ASB16: variants seen among roughly 807,000 people sequenced by gnomAD.
The protein encoded by ASB16 is ankyrin repeat and SOCS box protein 16.
In ASB16, 44 loss-of-function variants were observed where a neutral mutation model predicts 39.1. The observed-to-expected ratio is 1.13, with a 90% confidence interval of 0.88 to 1.45. The LOEUF (loss-of-function observed/expected upper bound fraction) is 1.45, where lower values mean the gene tolerates loss of function less well. ASB16 is among the 40% of genes most tolerant of loss of function. ASB16 has a pLI of 0.00. For synonymous variants in ASB16, 305 were observed against 286.7 expected, an observed-to-expected ratio of 1.06 and a Z score of -0.64; for missense variants, 698 against 634.5, an observed-to-expected ratio of 1.10 and a Z score of -1.07.
At position 44,177,004 on chromosome 17, in the gene ASB16, C is replaced by T. The variant is rs1420641987; in HGVS notation, c.836C>T (p.Ala279Val). 2.0e-6 allele frequency: 3 copies of T among 1,488,190 alleles called. No homozygotes were observed. The highest frequency in any genetic ancestry group is 2.7e-6 in the Non-Finnish European group (3 of 1,131,734). 92.2% of individuals were successfully genotyped at this position (1,488,190 alleles called of 1,614,324 possible). ...RLLEAGADAR[A>V]AGRKRHTPLH... Reference sequence around the variant, plus strand: ...CTGGAGGCTGGAGCTGATGCCCGGGCGGCCGGGCGCAAGCGCCACACGCCG... The same window carrying T: ...CTGGAGGCTGGAGCTGATGCCCGGGTGGCCGGGCGCAAGCGCCACACGCCG... Residue 279 changes from alanine (A) to valine (V), a missense_variant, in exon 3 of 5, where the codon GCG becomes GTG. Transcript: ENST00000293414.
chr17:44,175,945 G>A (rs1485553963), intron 2 of ASB16: 1 of 152,188 alleles, frequency 6.6e-6, no homozygotes, highest in African/African-American at 2.4e-5. Context: ...TTAAGTGTGG[G>A]GACAGAAAGA....
At chr17:44,172,444 T>G (rs916818843) in intron 2 of ASB16, 131 bp downstream of exon 2, 1 of 1,072,224 alleles carries the variant, frequency 9.3e-7, no homozygotes, top group East Asian at 2.5e-5. Flanking sequence ...ATACACATCT[T>G]CACAATAACC....
In ASB16 at chr17:44,178,517, G is replaced by C. The variant is rs560598270; in HGVS notation, c.*127G>C. On this transcript the variant is annotated 3_prime_UTR_variant, in exon 5 of 5. Coordinates refer to ENST00000293414, the MANE Select transcript of ASB16 (RefSeq NM_080863.5). ...AGACCTAGTCTCACTCTGTTGCCCAGGCTGGAGTGCAGTGGCGCTATCTCG... is the reference window on the plus strand; with the variant it reads ...AGACCTAGTCTCACTCTGTTGCCCACGCTGGAGTGCAGTGGCGCTATCTCG... 2.8e-6 allele frequency: 3 copies of C among 1,055,232 alleles called. No homozygotes were observed. In the African/African-American group the frequency reaches 4.8e-5, roughly 17 times the overall value. The allele number at this position is 1,055,232 out of a possible 1,614,324, so 65.4% of individuals were successfully genotyped here.
In ASB16 at chr17:44,178,263, A is replaced by G. The variant is rs548920521; in HGVS notation, c.1235A>G (p.Gln412Arg). 51 of 1,613,572 alleles carry G rather than the reference A, an allele frequency of 3.2e-5. 1 individual carries two copies. In the South Asian group the frequency reaches 4.6e-4, roughly 15 times the overall value. Residue 412 changes from glutamine (Q) to arginine (R), a missense_variant, in exon 5 of 5, where the codon CAG (glutamine) becomes CGG (arginine). Physicochemically the swap from Gln to Arg is conservative, Grantham distance 43. Transcript: ENST00000293414. ...ATGGTGAACCAGCCAAGGCAGCTGC[A>G]GCACCTGGCCCGACTAGCTGTGCGC... ...LCMVNQPRQLQHLARLAVRAR... is the reference protein window; with the variant it reads ...LCMVNQPRQLRHLARLAVRAR...
rs968192566 is a variant in ASB16 at position 44,178,614 on chromosome 17, A to G, written c.*224A>G. ...CAAACTTCCGAGTAGCTGGGACTAC[A>G]GGCATGAGTCACCACACCTGGCTGA... On this transcript the variant is annotated 3_prime_UTR_variant, in exon 5 of 5. Transcript: ENST00000293414. 14 of 569,528 alleles carry G rather than the reference A, an allele frequency of 2.5e-5. No individual in the cohort carries two copies. The highest frequency in any genetic ancestry group is 3.4e-5 in the Non-Finnish European group (11 of 323,084). 35.3% of individuals were successfully genotyped at this position (569,528 alleles called of 1,614,324 possible).
Position 44,177,145 on chromosome 17 carries a change from A to G in ASB16, c.977A>G (p.Gln326Arg). 6.6e-7 allele frequency: 1 copy of G among 1,517,978 alleles called. No homozygotes were observed. Among genetic ancestry groups the G allele is most frequent in the Non-Finnish European group, 8.8e-7 (1 of 1,135,876 alleles). The allele number at this position is 1,517,978 out of a possible 1,614,324, so 94.0% of individuals were successfully genotyped here. The part of the protein sequence containing the change: ...AGHTPMDCAL[Q>R]AVQDSPNWEP... ...CACACGCCCATGGACTGTGCGCTGCAGGCCGTCCAGGACTCCCCCAACTGG... is the reference window on the plus strand; with the variant it reads ...CACACGCCCATGGACTGTGCGCTGCGGGCCGTCCAGGACTCCCCCAACTGG... Residue 326 changes from glutamine (Q) to arginine (R), a missense_variant, in exon 3 of 5, where the codon CAG becomes CGG. Transcript: ENST00000293414.
intron 2 of ASB16, among the ~76,000 whole-genome samples, chr17:44,174,782 T>A (rs910555345): frequency 2.6e-5 from 4 of 152,186 alleles, no homozygotes; most frequent in African/African-American, 9.6e-5. Flanking sequence ...GGAACCCTAC[T>A]GAGCGAGCTT....
rs75036136 is a variant in ASB16, at chr17:44,176,821, C to G, written c.653C>G (p.Ala218Gly). 6.2e-7 allele frequency: 1 copy of G among 1,612,292 alleles called. No individual in the cohort carries two copies. The highest frequency in any genetic ancestry group is 1.7e-5 in the Admixed American group (1 of 59,974). The change falls in exon 3 of 5, where the codon GCG (alanine) becomes GGG (glycine). Residue 218 changes from alanine (A) to glycine (G), a missense_variant. Physicochemically the swap from Ala to Gly is moderately conservative, Grantham distance 60. Coordinates refer to ENST00000293414, the MANE Select transcript of ASB16 (RefSeq NM_080863.5). ...ESQETPLHVA[A>G]ARGLEQHVAL... ...CAGGAGACGCCCCTGCACGTGGCGGCGGCGCGCGGCCTGGAGCAACATGTG... is the reference window on the plus strand; with the variant it reads ...CAGGAGACGCCCCTGCACGTGGCGGGGGCGCGCGGCCTGGAGCAACATGTG...
chr17:44,172,464 C>T lies in ASB16; in HGVS notation c.569+151C>T, dbSNP rs545277258. 6.5e-6 allele frequency: 6 copies of T among 928,184 alleles called. No homozygotes were observed. The African/African-American group carries it at 8.3e-5, about 13-fold the overall frequency. The allele number at this position is 928,184 out of a possible 1,614,324, so 57.5% of individuals were successfully genotyped here. On this transcript the variant is annotated intron_variant, in intron 2 of 4. Coordinates refer to ENST00000293414, the MANE Select transcript of ASB16 (RefSeq NM_080863.5). ...CATCTTCACAATAACCTGGAGACAC[C>T]TCATCCTACAGATGAGAAAAATGAA...
At position 44,172,272 on chromosome 17, in the gene ASB16, C is replaced by T; in HGVS notation, c.528C>T (p.Gly176=). Residue 176 remains glycine (G), a synonymous_variant, in exon 2 of 5, where the codon GGC becomes GGT. Transcript: ENST00000293414. ...AGGCTAATGTGCTGACTGAGGAGGG[C>T]ACGACTCCTTTGCACCTCTGCACGA... The part of the protein sequence containing the change: ...GAKANVLTEE[G]TTPLHLCTIP... 1 of 1,613,682 alleles carries T rather than the reference C, an allele frequency of 6.2e-7. No homozygotes were observed. The highest frequency in any genetic ancestry group is 8.5e-7 in the Non-Finnish European group (1 of 1,180,036).
At chr17:44,176,610 AT>A in intron 2 of ASB16, 127 bp from the exon 3 acceptor site, 1 of 1,344,664 alleles carries the variant, frequency 7.4e-7, no homozygotes, top group Non-Finnish European at 1.1e-6. Flanking sequence ...GGCTTGTATG[AT>A]TCTCATGGAG....
rs56265171 is a variant in ASB16, at chr17:44,170,837, C to T, written c.48C>T (p.Leu16=). ...TCACCTCCTCCATGCTGCGCTCTCT[C>T]CGCCTGCAGCAGGAGTGGCTGGAAT... ...FPFTSSMLRS[L]RLQQEWLEWE... is the part of the protein sequence containing the mutation. The change falls in exon 1 of 5, where the codon CTC becomes CTT. Residue 16 remains leucine, a synonymous_variant. Coordinates refer to ENST00000293414, the MANE Select transcript of ASB16 (RefSeq NM_080863.5). The T allele has an allele frequency of 6.3e-3, 10,155 of 1,611,424 alleles. 484 individuals are homozygous for T. In the African/African-American group the frequency reaches 0.11, roughly 18 times the overall value.
intron 1 of ASB16, among the ~76,000 whole-genome samples, chr17:44,171,815 A>G (rs1011088615): frequency 6.6e-6 from 1 of 152,032 alleles, no homozygotes; most frequent in African/African-American, 2.4e-5. Flanking sequence ...TTTATGACAC[A>G]TACTATGTTT....
chr17:44,178,296 T>G lies in ASB16; in HGVS notation c.1268T>G (p.Leu423Trp), dbSNP rs2054329965. The change falls in exon 5 of 5, where the codon TTG (leucine) becomes TGG (tryptophan). Residue 423 changes from leucine (L) to tryptophan (W), a missense_variant. Coordinates refer to ENST00000293414, the MANE Select transcript of ASB16 (RefSeq NM_080863.5). ...HLARLAVRAR[L>W]GSRCRQGATR... ...GCCCGACTAGCTGTGCGCGCTCGGT[T>G]GGGAAGCCGCTGCCGGCAGGGTGCC... The G allele has an allele frequency of 1.9e-6, 3 of 1,612,414 alleles. No homozygotes were observed. The highest frequency in any genetic ancestry group is 2.5e-6 in the Non-Finnish European group (3 of 1,179,714).
intron 3 of ASB16, 37 bp downstream of exon 3, chr17:44,177,267 T>G (rs747496588): frequency 6.7e-7 from 1 of 1,496,246 alleles, no homozygotes; most frequent in Non-Finnish European, 8.9e-7. Flanking sequence ...GGCTCCTGTG[T>G]GGGGGAGCCC....
At position 44,176,844 on chromosome 17, in the gene ASB16, GT is replaced by G; in HGVS notation, c.677del (p.Val226GlyfsTer22). The stretch of plus-strand genomic sequence containing the variant: ...GGCGGCGCGCGGCCTGGAGCAACAT[GT>G]GGCTCTGTACCTGGAGCATGGCGCC... ...VAAARGLEQH[V>X]ALYLEHGADV... is the part of the protein sequence containing the mutation. On this transcript the variant is annotated frameshift_variant, in exon 3 of 5. Coordinates refer to ENST00000293414, the MANE Select transcript of ASB16 (RefSeq NM_080863.5). LOFTEE classifies it high-confidence loss of function. 6.2e-7 allele frequency: 1 copy of G among 1,611,816 alleles called. No individual in the cohort carries two copies. The highest frequency in any genetic ancestry group is 1.1e-5 in the South Asian group (1 of 91,000).
At position 44,172,033 on chromosome 17, in the gene ASB16, T is replaced by A. The variant is rs1430584980; in HGVS notation, c.302-13T>A. On this transcript the variant is annotated splice_polypyrimidine_tract_variant and intron_variant, in intron 1 of 4. Transcript: ENST00000293414. ...CTTATACACCACCTCCCAAAACTATTTGCTCTCCCTAGGGTTCTGGGTGCT... is the reference window on the plus strand; with the variant it reads ...CTTATACACCACCTCCCAAAACTATATGCTCTCCCTAGGGTTCTGGGTGCT... 1.2e-6 allele frequency: 2 copies of A among 1,603,696 alleles called. No homozygotes were observed. The highest frequency in any genetic ancestry group is 2.2e-5 in the South Asian group (2 of 90,880).
chr17:44,176,862 C>A lies in ASB16; in HGVS notation c.694C>A (p.His232Asn). The change falls in exon 3 of 5, where the codon CAT (histidine) becomes AAT (asparagine). Residue 232 changes from histidine (H) to asparagine (N), a missense_variant. His to Asn is a moderately conservative substitution (Grantham distance 68, BLOSUM62 1). Coordinates refer to ENST00000293414, the MANE Select transcript of ASB16 (RefSeq NM_080863.5). Reference sequence around the variant, plus strand: ...GCAACATGTGGCTCTGTACCTGGAGCATGGCGCCGACGTGGGCCTGCGCAC... The same window carrying A: ...GCAACATGTGGCTCTGTACCTGGAGAATGGCGCCGACGTGGGCCTGCGCAC... ...LEQHVALYLE[H>N]GADVGLRTSQ... 3 of 1,609,764 alleles carry A rather than the reference C, an allele frequency of 1.9e-6. No individual in the cohort carries two copies. The highest frequency in any genetic ancestry group is 1.7e-6 in the Non-Finnish European group (2 of 1,178,776).
chr17:44,178,626 C>G lies in ASB16; in HGVS notation c.*236C>G. The G allele has an allele frequency of 1.8e-6, 1 of 546,578 alleles. No homozygotes were observed. 33.9% of individuals were successfully genotyped at this position (546,578 alleles called of 1,614,324 possible). The stretch of plus-strand genomic sequence containing the variant: ...TAGCTGGGACTACAGGCATGAGTCA[C>G]CACACCTGGCTGATTTTGTATTTTT... On this transcript the variant is annotated 3_prime_UTR_variant, in exon 5 of 5. Coordinates refer to ENST00000293414, the MANE Select transcript of ASB16 (RefSeq NM_080863.5).
Sources: gnomAD v4.1 joint callset for allele counts (sites outside exome capture counted in the v4.1 genomes callset) on GRCh38, gnomAD v4.1.1 for gene constraint, MANE v1.5 for transcripts, NCBI Gene and HGNC (gene_info 2026-07-23, HGNC 2026-07-21) for gene names.